The following LRRC8A variants were observed in gnomAD, a reference collection of about 807,000 sequenced individuals.
The protein encoded by LRRC8A is leucine rich repeat containing 8 VRAC subunit A.
Under a neutral mutation model 52.5 loss-of-function variants are expected in LRRC8A, and 24 were observed. The ratio of observed to expected loss-of-function variants is 0.46; its 90% CI spans 0.33 to 0.64. LRRC8A has a LOEUF of 0.64. Ranked by LOEUF, LRRC8A falls within the 30% of genes least tolerant of loss-of-function variation. The pLI, the probability that LRRC8A is intolerant of heterozygous loss-of-function variation, is 0.02. For missense variants in LRRC8A, 677 were observed against 1,094.7 expected, an observed-to-expected ratio of 0.62 and a Z score of 5.38; for synonymous variants, 492 against 494.2, an observed-to-expected ratio of 1.00 and a Z score of 0.06.
chr9:128,888,499 T>A (rs572928112), intron 2 of LRRC8A, among the ~76,000 whole-genome samples: 1 of 151,968 alleles, frequency 6.6e-6, no homozygotes. Flanking sequence ...CTGGAGGAAG[T>A]GTTGGTTGTG....
chr9:128,884,238 C>G (rs1839298308), intron 1 of LRRC8A, among the ~76,000 whole-genome samples: 1 of 152,148 alleles, frequency 6.6e-6, no homozygotes, highest in Non-Finnish European at 1.5e-5. Flanking sequence ...GGGAAATCAG[C>G]CTGGTTCCTG....
At chr9:128,889,772 C>A (rs1588198541) in intron 2 of LRRC8A, among the ~76,000 whole-genome samples, 1 of 151,890 alleles carries the variant, frequency 6.6e-6, no homozygotes. Flanking sequence ...GGACTACAGC[C>A]GTGAGCCACT....
chr9:128,900,564 CG>C (rs1839986295), intron 2 of LRRC8A, among the ~76,000 whole-genome samples: 1 of 151,644 alleles, frequency 6.6e-6, no homozygotes, highest in African/African-American at 2.4e-5. Context: ...AAATATTAGC[CG>C]GGCATGGTGG....
intron 1 of LRRC8A, among the ~76,000 whole-genome samples, chr9:128,883,265 C>T (rs1272477147): frequency 6.6e-6 from 1 of 152,138 alleles, no homozygotes; most frequent in African/African-American, 2.4e-5. Context: ...CTGGGGGAGC[C>T]CGAAGTTCCC....
chr9:128,907,829 G>A lies in LRRC8A; in HGVS notation c.665G>A (p.Gly222Asp). Residue 222 changes from glycine (G) to aspartate (D), a missense_variant, in exon 3 of 4, where the codon GGT (glycine) becomes GAT (aspartate). Around this residue, in one of 4 missense-constraint regions of LRRC8A, gnomAD observed 422 missense variants for 741.5 expected, o/e 0.57. Coordinates refer to ENST00000372600, the MANE Select transcript of LRRC8A (RefSeq NM_019594.4). The surrounding 1 kb of genome is among the most constrained non-coding windows in gnomAD (Gnocchi z 9.3). ...LQRTKSRIEQ[G>D]IVDRSETGVL... Reference sequence around the variant, plus strand: ...CGGACCAAGTCACGGATCGAGCAGGGTATCGTGGACCGCTCAGAGACGGGC... The same window carrying A: ...CGGACCAAGTCACGGATCGAGCAGGATATCGTGGACCGCTCAGAGACGGGC... 6.2e-7 allele frequency: 1 copy of A among 1,614,094 alleles called. No homozygotes were observed.
chr9:128,896,999 C>T (rs1396755015), intron 2 of LRRC8A, among the ~76,000 whole-genome samples: 1 of 152,110 alleles, frequency 6.6e-6, no homozygotes, highest in East Asian at 1.9e-4. Context: ...TCTGGGATTA[C>T]AGGCGTGAGC....
chr9:128,886,311 C>T (rs1038103764), intron 2 of LRRC8A, among the ~76,000 whole-genome samples, 190 bp downstream of exon 2: 2 of 152,180 alleles, frequency 1.3e-5, no homozygotes, highest in African/African-American at 2.4e-5. Flanking sequence ...GTGTGCTTGC[C>T]GCACTCATTG....
At chr9:128,885,512 TCTC>T (rs1839358272) in intron 1 of LRRC8A, 1 of 151,852 alleles carries the variant, frequency 6.6e-6, no homozygotes, top group Non-Finnish European at 1.5e-5. Flanking sequence ...GTCTAGTGCT[TCTC>T]CTGGCTCCCC....
chr9:128,897,923 T>A (rs1476851001), intron 2 of LRRC8A, among the ~76,000 whole-genome samples: 1 of 149,260 alleles, frequency 6.7e-6, no homozygotes. Flanking sequence ...CTCGCGACAT[T>A]GCACTCCAGC....
chr9:128,909,083 G>A lies in LRRC8A; in HGVS notation c.1919G>A (p.Arg640His), dbSNP rs748587126. 45 of 1,613,906 alleles carry A rather than the reference G, an allele frequency of 2.8e-5. No individual in the cohort carries two copies. The highest frequency in any genetic ancestry group is 5.0e-5 in the Admixed American group (3 of 59,992). The change falls in exon 3 of 4, where the codon CGC becomes CAC. Residue 640 changes from arginine (R) to histidine (H), a missense_variant. Arg to His is a conservative substitution (Grantham distance 29). Coordinates refer to ENST00000372600, the MANE Select transcript of LRRC8A (RefSeq NM_019594.4). ...EEIISFQHLHRLTCLKLWYNH... is the reference protein window; with the variant it reads ...EEIISFQHLHHLTCLKLWYNH... The stretch of plus-strand genomic sequence containing the variant: ...ATCATCAGCTTCCAGCACCTGCACC[G>A]CCTCACCTGCCTTAAGCTGTGGTAC...
Position 128,905,641 on chromosome 9 carries a change from G to A in LRRC8A, c.-8-1516G>A, listed in dbSNP as rs566984887. On this transcript the variant is annotated intron_variant, in intron 2 of 3. Transcript: ENST00000372600. Reference sequence around the variant, plus strand: ...GGGCAGATCAGGAGGTAAAGGGATCGAGACCATCCTGGTCAACATCGTGAA... The same window carrying A: ...GGGCAGATCAGGAGGTAAAGGGATCAAGACCATCCTGGTCAACATCGTGAA... Among the ~76,000 whole-genome samples the A allele has an allele frequency of 2.6e-5, 4 of 152,232 alleles. No homozygotes were observed. The South Asian group carries it at 6.2e-4, about 24-fold the overall frequency.
At chr9:128,912,347 C>T (rs1840585443) in intron 3 of LRRC8A, among the ~76,000 whole-genome samples, 1 of 152,094 alleles carries the variant, frequency 6.6e-6, no homozygotes, top group Non-Finnish European at 1.5e-5. Context: ...TGCTGGAGCA[C>T]CAGGTCCCTG....
At chr9:128,890,084 T>A (rs1588198859) in intron 2 of LRRC8A, among the ~76,000 whole-genome samples, 1 of 151,494 alleles carries the variant, frequency 6.6e-6, no homozygotes, top group African/African-American at 2.4e-5. Context: ...ATTACAGGTG[T>A]GAGCCACCGC....
intron 2 of LRRC8A, among the ~76,000 whole-genome samples, chr9:128,889,448 G>T (rs1019044943): frequency 2.0e-5 from 3 of 151,718 alleles, no homozygotes; most frequent in South Asian, 2.1e-4. Context: ...GCAGGGCTGA[G>T]CTCCCCACAG....
At chr9:128,898,996 G>A (rs1440234373) in intron 2 of LRRC8A, among the ~76,000 whole-genome samples, 2 of 152,224 alleles carry the variant, frequency 1.3e-5, no homozygotes, top group Non-Finnish European at 2.9e-5. Context: ...CAGAACAGTC[G>A]GGACAAGGGG....
In LRRC8A at chr9:128,895,674, CA is replaced by C. The variant is rs374653542; in HGVS notation, c.-9+9554del. 6.2e-3 allele frequency among the ~76,000 whole-genome samples: 941 copies of C among 152,306 alleles called. 10 individuals are homozygous for C. The highest frequency in any genetic ancestry group is 0.021 in the African/African-American group (858 of 41,562). ...CTTCTACATCTCCCTGGGGGCAGGG[CA>C]GGACCAGGTAGGGAGTGCTTACGAG... On this transcript the variant is annotated intron_variant, in intron 2 of 3. Coordinates refer to ENST00000372600, the MANE Select transcript of LRRC8A (RefSeq NM_019594.4).
intron 3 of LRRC8A, among the ~76,000 whole-genome samples, chr9:128,912,118 TCTCA>T (rs1264786439): frequency 6.6e-6 from 1 of 152,218 alleles, no homozygotes; most frequent in Non-Finnish European, 1.5e-5. Context: ...AGAGACAGGG[TCTCA>T]CTGTGTTTTC....
At chr9:128,893,461 C>T (rs1356631545) in intron 2 of LRRC8A, among the ~76,000 whole-genome samples, 1 of 152,146 alleles carries the variant, frequency 6.6e-6, no homozygotes, top group African/African-American at 2.4e-5. Flanking sequence ...TTCCATCTTG[C>T]AGTTGAGGAC....
chr9:128,886,701 T>C (rs530407254), intron 2 of LRRC8A, among the ~76,000 whole-genome samples: 1 of 152,220 alleles, frequency 6.6e-6, no homozygotes, highest in Non-Finnish European at 1.5e-5. Flanking sequence ...AGAGTCCCTT[T>C]AGAACATTTG....
Sources: allele counts gnomAD v4.1 joint callset (sites outside exome capture counted in the v4.1 genomes callset), GRCh38; gene constraint gnomAD v4.1.1; regional missense constraint gnomAD v4.1.1; non-coding constraint Gnocchi (gnomAD v3.1); transcripts MANE v1.5; gene names NCBI Gene and HGNC (gene_info 2026-07-23, HGNC 2026-07-21).